Variants in ZBTB20 observed in about 807,000 individuals in gnomAD.
The protein encoded by ZBTB20 is zinc finger and BTB domain containing 20.
A neutral mutation model predicts 56.9 loss-of-function variants in ZBTB20; 9 were observed. The observed-to-expected ratio is 0.16, with a 90% CI of 0.10 to 0.28. The LOEUF (loss-of-function observed/expected upper bound fraction) is 0.28. ZBTB20 is among the 10% of genes least tolerant of loss of function. The pLI, the probability that ZBTB20 is intolerant of heterozygous loss-of-function variation, is 1.00. For synonymous variants in ZBTB20, 417 were observed against 420.7 expected (o/e 0.99, Z 0.11); for missense variants, 655 against 1,003.0 (o/e 0.65, Z 4.69).
At chr3:114,745,193 T>C (rs1005991163) in intron 5 of ZBTB20, among the ~76,000 whole-genome samples, 1 of 152,196 alleles carries the variant, frequency 6.6e-6, no homozygotes, top group Admixed American at 6.5e-5. Context: ...CGTTGTTTGT[T>C]GTTACTGTTG....
At chr3:114,893,867 A>T (rs769098737) in intron 4 of ZBTB20, among the ~76,000 whole-genome samples, 1 of 152,210 alleles carries the variant, frequency 6.6e-6, no homozygotes, top group Non-Finnish European at 1.5e-5. Context: ...TTCAGATTCC[A>T]TCCTGTCCAA....
intron 6 of ZBTB20, among the ~76,000 whole-genome samples, chr3:114,608,517 C>T (rs1396483310): frequency 6.6e-6 from 1 of 152,166 alleles, no homozygotes; most frequent in African/African-American, 2.4e-5. Flanking sequence ...AATAGCTAAA[C>T]ATTTCTTCAT....
chr3:114,761,759 G>A (rs529794550), intron 5 of ZBTB20, among the ~76,000 whole-genome samples: 2 of 151,770 alleles, frequency 1.3e-5, no homozygotes, highest in East Asian at 3.9e-4. Context: ...GCCTGAACCT[G>A]GGAGATGGAG....
At chr3:115,025,693 G>A (rs1331890606) in intron 2 of ZBTB20, among the ~76,000 whole-genome samples, 1 of 150,466 alleles carries the variant, frequency 6.6e-6, no homozygotes, top group African/African-American at 2.4e-5. Flanking sequence ...TTCCTCCCCT[G>A]TAAAATGAAG....
chr3:114,535,738 C>T (rs542525436), intron 6 of ZBTB20, among the ~76,000 whole-genome samples: 1 of 152,114 alleles, frequency 6.6e-6, no homozygotes, highest in South Asian at 2.1e-4. Context: ...ATGTGAAAAT[C>T]CTCGATAAAA....
chr3:115,008,252 T>C (rs1193702354), intron 2 of ZBTB20, among the ~76,000 whole-genome samples: 1 of 151,884 alleles, frequency 6.6e-6, no homozygotes, highest in Non-Finnish European at 1.5e-5. Flanking sequence ...TCCAAAATGA[T>C]ATTTTTCTGT....
chr3:115,108,167 T>C (rs527295923), intron 1 of ZBTB20, among the ~76,000 whole-genome samples: 1 of 152,218 alleles, frequency 6.6e-6, no homozygotes, highest in East Asian at 1.9e-4. Context: ...GATATTCCCA[T>C]ACAACTATCA....
At chr3:114,881,487 C>A (rs1215145934) in intron 4 of ZBTB20, among the ~76,000 whole-genome samples, 3 of 151,850 alleles carry the variant, frequency 2.0e-5, no homozygotes, top group Non-Finnish European at 4.4e-5. Context: ...ACCATATGAA[C>A]TGGATTTGCT....
At chr3:114,452,561 C>T (rs1275879400) in intron 7 of ZBTB20, among the ~76,000 whole-genome samples, 2 of 152,144 alleles carry the variant, frequency 1.3e-5, no homozygotes, top group African/African-American at 4.8e-5. Context: ...TTACTTCAAA[C>T]ATAAGGCACT....
At chr3:114,795,543 C>T (rs765125681) in intron 5 of ZBTB20, among the ~76,000 whole-genome samples, 1 of 151,994 alleles carries the variant, frequency 6.6e-6, no homozygotes, top group Non-Finnish European at 1.5e-5. Flanking sequence ...TTCTCCCCTC[C>T]CATACTCCGT....
chr3:115,014,779 T>C (rs960471211), intron 2 of ZBTB20, among the ~76,000 whole-genome samples: 2 of 151,708 alleles, frequency 1.3e-5, no homozygotes, highest in African/African-American at 4.8e-5. Flanking sequence ...GTCTTTTTTG[T>C]TTTTTGTTTC....
chr3:114,399,870 T>A (rs895757879), intron 7 of ZBTB20, among the ~76,000 whole-genome samples: 26 of 152,150 alleles, frequency 1.7e-4, no homozygotes, highest in African/African-American at 6.3e-4. Context: ...CAATGCTTTA[T>A]ATATATTGAC....
At chr3:114,763,592 T>C (rs975148803) in intron 5 of ZBTB20, among the ~76,000 whole-genome samples, 4 of 152,168 alleles carry the variant, frequency 2.6e-5, no homozygotes, top group African/African-American at 7.2e-5. Flanking sequence ...GCATATATAG[T>C]ACCTCAGTGT....
At chr3:114,807,290 T>C (rs1424535003) in intron 4 of ZBTB20, among the ~76,000 whole-genome samples, 1 of 150,806 alleles carries the variant, frequency 6.6e-6, no homozygotes, top group Non-Finnish European at 1.5e-5. Context: ...GGGGGAGGTG[T>C]ATGTACATTG....
chr3:114,364,949 C>T (rs1202871648), intron 10 of ZBTB20, among the ~76,000 whole-genome samples: 1 of 152,086 alleles, frequency 6.6e-6, no homozygotes, highest in Admixed American at 6.6e-5. Flanking sequence ...GGCTAAACAC[C>T]ACACAGCACA....
intron 6 of ZBTB20, among the ~76,000 whole-genome samples, chr3:114,671,735 G>T (rs1163285208): frequency 6.6e-6 from 1 of 151,940 alleles, no homozygotes; most frequent in Non-Finnish European, 1.5e-5. Context: ...AGAATGAAAA[G>T]ATATCTTAGA....
intron 2 of ZBTB20, among the ~76,000 whole-genome samples, chr3:114,986,613 A>G (rs1159165659): frequency 6.6e-6 from 1 of 152,112 alleles, no homozygotes; most frequent in African/African-American, 2.4e-5. Context: ...TTCTCCCTCA[A>G]AATCTTTTAG....
At chr3:114,364,683 T>C (rs1225410035) in intron 10 of ZBTB20, among the ~76,000 whole-genome samples, 1 of 152,212 alleles carries the variant, frequency 6.6e-6, no homozygotes, top group Non-Finnish European at 1.5e-5. Flanking sequence ...ACTTTCACCC[T>C]GAGATTATAC....
At chr3:115,030,589 T>C (rs1359706775) in intron 2 of ZBTB20, among the ~76,000 whole-genome samples, 1 of 150,712 alleles carries the variant, frequency 6.6e-6, no homozygotes, top group Non-Finnish European at 1.5e-5. Flanking sequence ...CTAACATCAA[T>C]AGGGAGACAA....
Sources: gnomAD v4.1 joint callset for allele counts (sites outside exome capture counted in the v4.1 genomes callset) on GRCh38, gnomAD v4.1.1 for gene constraint, MANE v1.5 for transcripts, NCBI Gene and HGNC (gene_info 2026-07-23, HGNC 2026-07-21) for gene names.